Variants in CLVS2 observed in about 807,000 individuals in gnomAD.
The protein encoded by CLVS2 is clavesin 2.
In CLVS2, 19 loss-of-function variants were observed where a neutral mutation model predicts 29.0. The observed-to-expected ratio is 0.66, with a 90% CI of 0.46 to 0.96. The LOEUF is 0.96. CLVS2 is among the 40% of genes least tolerant of loss of function. The pLI, the probability that CLVS2 is intolerant of heterozygous loss-of-function variation, is 0.00. For missense variants in CLVS2, 294 were observed against 404.1 expected (o/e 0.73, Z 2.34); for synonymous variants, 161 against 151.3 (o/e 1.06, Z -0.47).
rs1039382527 is a variant in CLVS2, at chr6:123,065,985, G to A, written c.*2224G>A. 3.3e-5 allele frequency: 5 copies of A among 151,764 alleles called. No individual in the cohort carries two copies. The highest frequency in any genetic ancestry group is 2.1e-4 in the South Asian group (1 of 4,830). 9.4% of individuals were successfully genotyped at this position (151,764 alleles called of 1,614,324 possible). Reference sequence around the variant, plus strand: ...TGTCTCCCAGACCCACATTTGGAAAGTTTGCATTGCATTACTGCTCATCTT... The same window carrying A: ...TGTCTCCCAGACCCACATTTGGAAAATTTGCATTGCATTACTGCTCATCTT... On this transcript the variant is annotated 3_prime_UTR_variant, in exon 6 of 6. Transcript: ENST00000275162.
rs556913561 is a variant in CLVS2, at chr6:123,066,494, A to T, written c.*2733A>T. ...TTTGCGGGCTTCAAAGAATTATCGC[A>T]TTTGACTTGGAATGGTCCAGTAGTC... On this transcript the variant is annotated 3_prime_UTR_variant, in exon 6 of 6. Transcript: ENST00000275162. The T allele has an allele frequency of 2.6e-5, 4 of 151,842 alleles. No individual in the cohort carries two copies. The East Asian group carries it at 7.7e-4, about 29-fold the overall frequency. The allele number at this position is 151,842 out of a possible 1,614,324, so 9.4% of individuals were successfully genotyped here.
intron 3 of CLVS2, among the ~76,000 whole-genome samples, chr6:123,026,028 G>T (rs1774995563): frequency 1.3e-5 from 2 of 151,946 alleles, no homozygotes; most frequent in Admixed American, 1.3e-4. Context: ...TGAAAATTGT[G>T]ACCCACATAG....
chr6:123,062,679 A>T (rs1772795567), intron 5 of CLVS2, among the ~76,000 whole-genome samples: 1 of 152,188 alleles, frequency 6.6e-6, no homozygotes. Flanking sequence ...TTTGATAATT[A>T]GTTCCGTTGC....
At chr6:123,007,439 G>A (rs1191908223) in intron 2 of CLVS2, among the ~76,000 whole-genome samples, 1 of 152,078 alleles carries the variant, frequency 6.6e-6, no homozygotes, top group Non-Finnish European at 1.5e-5. Context: ...TTTAAAAAAG[G>A]CTTTTAAGTT....
chr6:123,056,256 T>C (rs1373674032), intron 5 of CLVS2, among the ~76,000 whole-genome samples: 2 of 152,178 alleles, frequency 1.3e-5, no homozygotes, highest in African/African-American at 4.8e-5. Flanking sequence ...TACAATACAT[T>C]ATTATCATAT....
At chr6:123,014,208 CT>C (rs1010634396) in intron 3 of CLVS2, among the ~76,000 whole-genome samples, 1 of 152,108 alleles carries the variant, frequency 6.6e-6, no homozygotes, top group Non-Finnish European at 1.5e-5. Context: ...AATGGTATTT[CT>C]AGTTCAAGAT....
chr6:123,059,603 T>C (rs1430008634), intron 5 of CLVS2, among the ~76,000 whole-genome samples: 1 of 152,172 alleles, frequency 6.6e-6, no homozygotes, highest in East Asian at 1.9e-4. Context: ...CTTTGCAGGA[T>C]AGACCTCACT....
intron 3 of CLVS2, among the ~76,000 whole-genome samples, chr6:123,025,093 C>A (rs1265506080): frequency 1.3e-5 from 2 of 152,084 alleles, no homozygotes; most frequent in Non-Finnish European, 2.9e-5. Context: ...AAAATTACTT[C>A]ATCCGTTGTT....
Position 123,010,910 on chromosome 6 carries a change from G to A in CLVS2, c.390-75G>A, listed in dbSNP as rs561552355. The A allele has an allele frequency of 3.6e-5, 35 of 968,872 alleles. No individual in the cohort carries two copies. The Admixed American group carries it at 7.1e-4, about 20-fold the overall frequency. The allele number at this position is 968,872 out of a possible 1,614,324, so 60.0% of individuals were successfully genotyped here. A position where few individuals can be genotyped will look rare whatever the true frequency, so the allele number is the denominator to read the frequency against. On this transcript the variant is annotated intron_variant, in intron 2 of 5. Transcript: ENST00000275162. ...AGGTATTTTAAAGTGAATTTTTAGTGTGCTAGAAAATATTTTATAGCTTTT... is the reference window on the plus strand; with the variant it reads ...AGGTATTTTAAAGTGAATTTTTAGTATGCTAGAAAATATTTTATAGCTTTT...
At chr6:123,023,474 C>T (rs1774953044) in intron 3 of CLVS2, among the ~76,000 whole-genome samples, 1 of 151,880 alleles carries the variant, frequency 6.6e-6, no homozygotes, top group Middle Eastern at 3.2e-3. Context: ...TTTTCTTTTC[C>T]CTTGGAGGCT....
Position 123,072,621 on chromosome 6 carries a change from T to C in CLVS2, c.*8860T>C, listed in dbSNP as rs1312531456. The C allele has an allele frequency of 6.6e-6, 1 of 152,112 alleles. No individual in the cohort carries two copies. Among genetic ancestry groups the C allele is most frequent in the South Asian group, 2.1e-4 (1 of 4,834 alleles). The allele number at this position is 152,112 out of a possible 1,614,324, so 9.4% of individuals were successfully genotyped here. A position where few individuals can be genotyped will look rare whatever the true frequency, so the allele number is the denominator to read the frequency against. ...AATGTGTTTAGCGTCACTTCAGATA[T>C]AGAGTTCAAGCTCAAGTATACACAG... On this transcript the variant is annotated 3_prime_UTR_variant, in exon 6 of 6. Transcript: ENST00000275162.
intron 4 of CLVS2, among the ~76,000 whole-genome samples, chr6:123,051,372 A>T (rs917837485): frequency 6.6e-6 from 1 of 152,184 alleles, no homozygotes; most frequent in Non-Finnish European, 1.5e-5. Flanking sequence ...TCTTTCACGC[A>T]GAGCCAAACT....
intron 2 of CLVS2, among the ~76,000 whole-genome samples, chr6:123,001,021 A>G (rs1459780197): frequency 1.3e-5 from 2 of 152,258 alleles, no homozygotes; most frequent in Non-Finnish European, 2.9e-5. Flanking sequence ...GAATTGATCT[A>G]ACAAAAAGAC....
intron 3 of CLVS2, among the ~76,000 whole-genome samples, chr6:123,032,575 A>G (rs1240557469): frequency 6.6e-6 from 1 of 152,114 alleles, no homozygotes; most frequent in Non-Finnish European, 1.5e-5. Flanking sequence ...ATAAAATATG[A>G]TTTTTTAACC....
At chr6:123,048,024 C>T (rs1280177416) in intron 3 of CLVS2, among the ~76,000 whole-genome samples, 1 of 152,074 alleles carries the variant, frequency 6.6e-6, no homozygotes, top group African/African-American at 2.4e-5. Context: ...TAGCAAAATA[C>T]ATCCTTAAGT....
intron 3 of CLVS2, among the ~76,000 whole-genome samples, chr6:123,031,974 T>A (rs762612818): frequency 6.6e-6 from 1 of 152,130 alleles, no homozygotes; most frequent in Non-Finnish European, 1.5e-5. Context: ...TATCTTATAG[T>A]TAACTTTTCT....
intron 3 of CLVS2, among the ~76,000 whole-genome samples, chr6:123,028,060 T>A (rs1301267148): frequency 6.6e-6 from 1 of 152,172 alleles, no homozygotes; most frequent in Admixed American, 6.6e-5. Flanking sequence ...GGTTTAAGGG[T>A]TACAAATTCA....
At chr6:123,025,560 C>T (rs1262124938) in intron 3 of CLVS2, among the ~76,000 whole-genome samples, 1 of 152,086 alleles carries the variant, frequency 6.6e-6, no homozygotes, top group African/African-American at 2.4e-5. Context: ...AGATTCCCTT[C>T]CTTAGGACCA....
intron 2 of CLVS2, among the ~76,000 whole-genome samples, chr6:123,007,325 A>T (rs1334098445): frequency 6.6e-6 from 1 of 152,230 alleles, no homozygotes; most frequent in African/African-American, 2.4e-5. Flanking sequence ...AGGGAGACTT[A>T]GAAAAGTTCA....
Sources: gnomAD v4.1 joint callset for allele counts (sites outside exome capture counted in the v4.1 genomes callset) on GRCh38, gnomAD v4.1.1 for gene constraint, MANE v1.5 for transcripts, NCBI Gene and HGNC (gene_info 2026-07-23, HGNC 2026-07-21) for gene names.